Variants in ALMS1 observed in about 807,000 individuals in gnomAD.
The protein encoded by ALMS1 is centrosome-associated protein ALMS1.
Under a neutral mutation model 352.2 loss-of-function variants are expected in ALMS1, and 271 were observed. The observed-to-expected ratio is 0.77, with a 90% CI of 0.70 to 0.85. The LOEUF is 0.85. Among genes scored for constraint, ALMS1 ranks in the 40% least tolerant of loss-of-function variants. ALMS1 has a pLI of 0.00. For synonymous variants in ALMS1, 1,865 were observed against 1,761.2 expected (o/e 1.06, Z -1.48); for missense variants, 5,445 against 4,870.7 (o/e 1.12, Z -3.51).
Position 73,453,610 on chromosome 2 carries a change from T to G in ALMS1, c.7083T>G (p.Ser2361Arg). The part of the protein sequence containing the change: ...WEFISSTTVR[S>R]PLQEAESKVS... ...TTATTAGTTCAACTACAGTTAGAAG[T>G]CCTCTACAGGAAGCAGAGAGCAAAG... Residue 2361 changes from serine (S) to arginine (R), a missense_variant, in exon 8 of 23, where the codon AGT (serine) becomes AGG (arginine). Ser to Arg is a moderately radical substitution (Grantham distance 110, BLOSUM62 -1). Transcript: ENST00000613296. The G allele has an allele frequency of 6.2e-7, 1 of 1,613,874 alleles. No individual in the cohort carries two copies. Among genetic ancestry groups the G allele is most frequent in the Non-Finnish European group, 8.5e-7 (1 of 1,179,982 alleles).
At chr2:73,464,291 A>G (rs952377593) in intron 9 of ALMS1, among the ~76,000 whole-genome samples, 14 of 152,256 alleles carry the variant, frequency 9.2e-5, no homozygotes, top group African/African-American at 2.4e-4. Context: ...CTGGTTCAAC[A>G]TATGCAAATC....
chr2:73,478,765 C>T (rs1185239663), intron 9 of ALMS1, among the ~76,000 whole-genome samples: 1 of 151,934 alleles, frequency 6.6e-6, no homozygotes, highest in Non-Finnish European at 1.5e-5. Flanking sequence ...TGGTTTGCTG[C>T]ACCTATCAAC....
At chr2:73,488,614 T>C (rs746824221) in intron 9 of ALMS1, among the ~76,000 whole-genome samples, 5 of 152,122 alleles carry the variant, frequency 3.3e-5, no homozygotes, top group Non-Finnish European at 5.9e-5. Flanking sequence ...GTACAGCGAG[T>C]AGCCCTAGCT....
At position 73,490,610 on chromosome 2, in the gene ALMS1, A is replaced by C; in HGVS notation, c.8651A>C (p.Gln2884Pro). 1 of 1,614,230 alleles carries C rather than the reference A, an allele frequency of 6.2e-7. No homozygotes were observed. Among genetic ancestry groups the C allele is most frequent in the Non-Finnish European group, 8.5e-7 (1 of 1,180,036 alleles). The part of the protein sequence containing the change: ...PDLPSCIFLE[Q>P]RELFEQSKAP... ...CTTCCTTCTTGCATTTTTCTTGAAC[A>C]ACGAGAGCTCTTTGAACAAAGCAAA... Residue 2884 changes from glutamine to proline, a missense_variant, in exon 10 of 23, where the codon CAA becomes CCA. Gln to Pro is a moderately conservative substitution (Grantham distance 76). Transcript: ENST00000613296.
At chr2:73,406,231 C>G (rs997987621) in intron 1 of ALMS1, among the ~76,000 whole-genome samples, 7 of 152,048 alleles carry the variant, frequency 4.6e-5, no homozygotes, top group Non-Finnish European at 8.8e-5. Flanking sequence ...TGCATTGACC[C>G]CATAGTGTTC....
chr2:73,461,696 TA>T (rs1161219616), intron 9 of ALMS1, among the ~76,000 whole-genome samples: 1 of 152,102 alleles, frequency 6.6e-6, no homozygotes, highest in African/African-American at 2.4e-5. Context: ...GCAAAGAAGT[TA>T]AAAACTTTCA....
rs766437890 is a variant in ALMS1 at position 73,453,129 on chromosome 2, A to G, written c.6602A>G (p.His2201Arg). 1.9e-6 allele frequency: 3 copies of G among 1,614,088 alleles called. No individual in the cohort carries two copies. The highest frequency in any genetic ancestry group is 1.6e-4 in the Middle Eastern group (1 of 6,062). ...HGENHKLVSE[H>R]VQRLIDNLNS... ...GAGAATCACAAGCTTGTTTCAGAAC[A>G]TGTCCAAAGGCTAATAGATAATTTG... is the stretch of plus-strand genomic sequence containing the variant. The change falls in exon 8 of 23, where the codon CAT becomes CGT. Residue 2201 changes from histidine (H) to arginine (R), a missense_variant. His to Arg is a conservative substitution (Grantham distance 29, BLOSUM62 0). Coordinates refer to ENST00000613296, the MANE Select transcript of ALMS1 (RefSeq NM_001378454.1).
At position 73,491,562 on chromosome 2, in the gene ALMS1, A is replaced by G. The variant is rs1481425747; in HGVS notation, c.9539+64A>G. 3.2e-6 allele frequency: 5 copies of G among 1,552,324 alleles called. No individual in the cohort carries two copies. The African/African-American group carries it at 6.8e-5, about 21-fold the overall frequency. ...TTGTAATAAAGGGTTTCAAATACTT[A>G]AGTAGATATCGGTTCTTGGGGGAAA... On this transcript the variant is annotated intron_variant, in intron 10 of 22. Transcript: ENST00000613296.
At chr2:73,459,526 T>G (rs1672142898) in intron 9 of ALMS1, 1 of 152,216 alleles carries the variant, frequency 6.6e-6, no homozygotes, top group Non-Finnish European at 1.5e-5. Context: ...TGTGGTAAGT[T>G]AAAAGTGTCC....
intron 9 of ALMS1, among the ~76,000 whole-genome samples, chr2:73,466,975 C>G (rs898461836): frequency 6.6e-6 from 1 of 152,058 alleles, no homozygotes; most frequent in Admixed American, 6.6e-5. Context: ...TATAATAACC[C>G]TGTCCCCTAC....
intron 7 of ALMS1, among the ~76,000 whole-genome samples, chr2:73,441,904 G>T (rs1671726745): frequency 6.6e-6 from 1 of 152,044 alleles, no homozygotes; most frequent in South Asian, 2.1e-4. Context: ...GTCTTTGGTT[G>T]TTGGTAGAAA....
intron 12 of ALMS1, among the ~76,000 whole-genome samples, chr2:73,537,511 G>A (rs1573002759): frequency 6.6e-6 from 1 of 152,274 alleles, no homozygotes; most frequent in Non-Finnish European, 1.5e-5. Context: ...GAGATTTATT[G>A]GTTCTAGGCA....
chr2:73,564,983 G>A (rs1674773211), intron 15 of ALMS1, among the ~76,000 whole-genome samples: 1 of 152,172 alleles, frequency 6.6e-6, no homozygotes, highest in Non-Finnish European at 1.5e-5. Flanking sequence ...AAAATCTCAA[G>A]CCGAGAATTT....
chr2:73,400,020 C>T (rs753011783), intron 1 of ALMS1, among the ~76,000 whole-genome samples: 7 of 151,192 alleles, frequency 4.6e-5, no homozygotes, highest in Non-Finnish European at 1.0e-4. Flanking sequence ...TCACTGCAAC[C>T]TCTGCCTCCA....
At chr2:73,473,557 A>C (rs564588314) in intron 9 of ALMS1, among the ~76,000 whole-genome samples, 34 of 152,216 alleles carry the variant, frequency 2.2e-4, no homozygotes, top group African/African-American at 7.2e-4. Context: ...AAAGGAAAAA[A>C]GAGAAATTAA....
intron 1 of ALMS1, among the ~76,000 whole-genome samples, chr2:73,400,170 T>C (rs1399909233): frequency 6.6e-6 from 1 of 152,126 alleles, no homozygotes; most frequent in East Asian, 1.9e-4. Context: ...GGTCTCGAAC[T>C]CCTGAGCTCA....
At chr2:73,414,747 C>G (rs1008196558) in intron 2 of ALMS1, among the ~76,000 whole-genome samples, 7 of 151,942 alleles carry the variant, frequency 4.6e-5, no homozygotes, top group Non-Finnish European at 1.0e-4. Flanking sequence ...GCTGTTCTCT[C>G]TCAGTATCCT....
intron 2 of ALMS1, among the ~76,000 whole-genome samples, chr2:73,409,513 C>T (rs1185920670): frequency 2.6e-5 from 4 of 152,064 alleles, no homozygotes; most frequent in African/African-American, 7.2e-5. Context: ...ACATTTAAAA[C>T]TATTTTAAAA....
intron 18 of ALMS1, 57 bp from the exon 19 acceptor site, chr2:73,601,138 G>C (rs747079252): frequency 9.3e-6 from 15 of 1,611,692 alleles, no homozygotes; most frequent in African/African-American, 1.3e-5. Flanking sequence ...ATAAGAGCTG[G>C]GTGGGGCTGT....
Sources: allele counts gnomAD v4.1 joint callset (sites outside exome capture counted in the v4.1 genomes callset), GRCh38; gene constraint gnomAD v4.1.1; transcripts MANE v1.5; gene names NCBI Gene and HGNC (gene_info 2026-07-23, HGNC 2026-07-21).